The following ATAD3B variants were observed in gnomAD, a reference collection of about 807,000 sequenced individuals.
ATAD3B encodes the protein ATPase family AAA domain-containing protein 3B.
ATAD3B carries 59 observed loss-of-function variants against 70.2 expected under a neutral mutation model. That is an observed-to-expected ratio of 0.84 (90% CI 0.68 to 1.04). The LOEUF is 1.04. Ranked by LOEUF, ATAD3B falls within the 50% of genes least tolerant of loss-of-function variation. The pLI, the probability that ATAD3B is intolerant of heterozygous loss-of-function variation, is 0.00. For missense variants in ATAD3B, 961 were observed against 913.4 expected, an observed-to-expected ratio of 1.05 and a Z score of -0.67; for synonymous variants, 423 against 388.6, an observed-to-expected ratio of 1.09 and a Z score of -1.04.
At chr1:1,486,035 C>T in intron 9 of ATAD3B, 75 bp from the exon 10 acceptor site, 1 of 1,607,128 alleles carries the variant, frequency 6.2e-7, no homozygotes, top group Admixed American at 1.7e-5. Flanking sequence ...CGCACCCGGG[C>T]ATTCCCGCAG....
rs752447428 is a variant in ATAD3B, at chr1:1,478,584, C to T, written c.283-60C>T. On this transcript the variant is annotated intron_variant, in intron 2 of 15. Transcript: ENST00000673477. ...TGCCGGAGCTGTGCAGACACAGGAG[C>T]GGCTGTCAGGCAGTGCCAGCCCTGA... is the stretch of plus-strand genomic sequence containing the variant. 91 of 1,550,130 alleles carry T rather than the reference C, an allele frequency of 5.9e-5. No individual in the cohort carries two copies. The South Asian group carries it at 8.2e-4, about 14-fold the overall frequency.
At chr1:1,479,744 G>A (rs1236544551) in intron 4 of ATAD3B, among the ~76,000 whole-genome samples, 1 of 139,460 alleles carries the variant, frequency 7.2e-6, no homozygotes, top group Non-Finnish European at 1.5e-5. Flanking sequence ...ATCACACATA[G>A]GCATGCACAC....
the ATAD3B span, chr1:1,509,408 C>T: frequency 2.0e-4 from 326 of 1,598,264 alleles, 1 homozygote; most frequent in Non-Finnish European, 2.8e-4. Flanking sequence ...CCACCCCTGC[C>T]TTTGCGGCCC....
Position 1,495,980 on chromosome 1 carries a change from T to C in ATAD3B, c.*163T>C, listed in dbSNP as rs1163163969. On this transcript the variant is annotated 3_prime_UTR_variant, in exon 16 of 16. Coordinates refer to ENST00000673477, the MANE Select transcript of ATAD3B (RefSeq NM_031921.6). ...GGCTGAGCCCCTGGGGCAGAAGGAG[T>C]GGGGCAGGCGGGGTCTTTGTTCTCG... is the stretch of plus-strand genomic sequence containing the variant. 22 of 1,374,082 alleles carry C rather than the reference T, an allele frequency of 1.6e-5. 1 individual carries two copies. Among genetic ancestry groups the C allele is most frequent in the South Asian group, 1.9e-5 (1 of 52,692 alleles). The allele number at this position is 1,374,082 out of a possible 1,614,324, so 85.1% of individuals were successfully genotyped here.
At chr1:1,493,912 A>T (rs1640652767) in intron 15 of ATAD3B, among the ~76,000 whole-genome samples, 1 of 151,906 alleles carries the variant, frequency 6.6e-6, no homozygotes, top group African/African-American at 2.4e-5. Flanking sequence ...TGGCTTTAAT[A>T]TGAGGGTAAT....
chr1:1,486,272 G>T (rs185006588), intron 10 of ATAD3B, 37 bp downstream of exon 10: 1 of 1,611,784 alleles, frequency 6.2e-7, no homozygotes, highest in African/African-American at 1.3e-5. Context: ...GCCAGGGGCC[G>T]CTGGGGTCTC....
intron 15 of ATAD3B, among the ~76,000 whole-genome samples, chr1:1,492,765 C>T (rs1381624493): frequency 1.3e-5 from 2 of 151,658 alleles, no homozygotes; most frequent in African/African-American, 4.8e-5. Flanking sequence ...TGGTGAAACC[C>T]CATCTCTACT....
At chr1:1,489,880 C>A in intron 13 of ATAD3B, 3 of 1,218,672 alleles carry the variant, frequency 2.5e-6, no homozygotes, top group Non-Finnish European at 3.1e-6. Context: ...CGAGGTCCTG[C>A]TTCTGGCTCG....
At position 1,482,160 on chromosome 1, in the gene ATAD3B, G is replaced by C; in HGVS notation, c.537G>C (p.Glu179Asp). The C allele has an allele frequency of 6.2e-7, 1 of 1,610,012 alleles. No homozygotes were observed. Among genetic ancestry groups the C allele is most frequent in the Non-Finnish European group, 8.5e-7 (1 of 1,179,006 alleles). ...CAGCCACCGTGGAGCGGGAGATGGAGCTGCGGCACAAGAATGAGATGCTGC... is the reference window on the plus strand; with the variant it reads ...CAGCCACCGTGGAGCGGGAGATGGACCTGCGGCACAAGAATGAGATGCTGC... ...MRRATVEREMELRHKNEMLRV... is the reference protein window; with the variant it reads ...MRRATVEREMDLRHKNEMLRV... Residue 179 changes from glutamate to aspartate, a missense_variant, in exon 6 of 16, where the codon GAG (glutamate) becomes GAC (aspartate). Glu to Asp is a conservative substitution (Grantham distance 45). Transcript: ENST00000673477.
rs767355766 is a variant in ATAD3B at position 1,495,536 on chromosome 1, G to C, written c.1666G>C (p.Ala556Pro). The C allele has an allele frequency of 6.2e-7, 1 of 1,612,434 alleles. No individual in the cohort carries two copies. Among genetic ancestry groups the C allele is most frequent in the Non-Finnish European group, 8.5e-7 (1 of 1,178,934 alleles). ...DGVLTEAMMD[A>P]CVQDAVQQYR... ...GGTCCTCACTGAGGCCATGATGGACGCCTGTGTGCAAGATGCTGTCCAGCA... is the reference window on the plus strand; with the variant it reads ...GGTCCTCACTGAGGCCATGATGGACCCCTGTGTGCAAGATGCTGTCCAGCA... The change falls in exon 16 of 16, where the codon GCC becomes CCC. Residue 556 changes from alanine (A) to proline (P), a missense_variant. Coordinates refer to ENST00000673477, the MANE Select transcript of ATAD3B (RefSeq NM_031921.6).
At chr1:1,482,468 C>G in intron 6 of ATAD3B, 77 bp from the exon 7 acceptor site, 2 of 1,610,254 alleles carry the variant, frequency 1.2e-6, no homozygotes, top group Non-Finnish European at 1.7e-6. Flanking sequence ...CATGTCAGGG[C>G]CTCACCCTCA....
the ATAD3B span, among the ~76,000 whole-genome samples, chr1:1,505,057 GAC>G: frequency 1.8e-4 from 27 of 152,164 alleles, no homozygotes; most frequent in Non-Finnish European, 3.8e-4. Flanking sequence ...AGAGATAAAA[GAC>G]AGCTGGGCCC....
At chr1:1,475,198 A>G (rs1284101220) in intron 1 of ATAD3B, among the ~76,000 whole-genome samples, 3 of 149,808 alleles carry the variant, frequency 2.0e-5, no homozygotes, top group Non-Finnish European at 2.9e-5. Flanking sequence ...GGCCCGGGGC[A>G]GGGTCTCCAG....
chr1:1,503,730 C>G, the ATAD3B span: 1 of 1,588,376 alleles, frequency 6.3e-7, no homozygotes, highest in Non-Finnish European at 8.6e-7. Context: ...ATTGGTAGGG[C>G]TACTGCCGGT....
intron 15 of ATAD3B, 64 bp downstream of exon 15, chr1:1,490,735 C>G: frequency 6.5e-7 from 1 of 1,532,838 alleles, no homozygotes; most frequent in Non-Finnish European, 8.8e-7. Flanking sequence ...TGCTCAGTTG[C>G]GCCAGGCCTG....
the ATAD3B span, among the ~76,000 whole-genome samples, chr1:1,508,230 G>A: frequency 6.6e-6 from 1 of 151,314 alleles, no homozygotes; most frequent in South Asian, 2.1e-4. Flanking sequence ...GCGCTCCTGG[G>A]CCCCTGACCC....
At chr1:1,505,157 G>A in the ATAD3B span, among the ~76,000 whole-genome samples, 2 of 152,162 alleles carry the variant, frequency 1.3e-5, no homozygotes, top group African/African-American at 4.8e-5. Context: ...AGACAAAGGG[G>A]CAGGATAAGG....
chr1:1,502,512 T>C (rs1264507575), downstream of ATAD3B, among the ~76,000 whole-genome samples: 2 of 118,442 alleles, frequency 1.7e-5, no homozygotes, highest in African/African-American at 3.5e-5. Context: ...CCAGCATTTT[T>C]TTTTTTTTTT....
At position 1,480,891 on chromosome 1, in the gene ATAD3B, C is replaced by G. The variant is rs748088146; in HGVS notation, c.469C>G (p.Arg157Gly). 6.3e-7 allele frequency: 1 copy of G among 1,593,656 alleles called. No individual in the cohort carries two copies. The highest frequency in any genetic ancestry group is 1.1e-5 in the South Asian group (1 of 89,626). The change falls in exon 5 of 16, where the codon CGG (arginine) becomes GGG (glycine). Residue 157 changes from arginine (R) to glycine (G), a missense_variant. Transcript: ENST00000673477. ...QQQLLNEENLRKQEESVQKQE... is the reference protein window; with the variant it reads ...QQQLLNEENLGKQEESVQKQE... ...GCAACTTCTCAATGAGGAGAATTTA[C>G]GGAAGCAGGAGGAGTCCGTGCAGAA...
Sources: gnomAD v4.1 joint callset for allele counts (sites outside exome capture counted in the v4.1 genomes callset) on GRCh38, gnomAD v4.1.1 for gene constraint, MANE v1.5 for transcripts, NCBI Gene and HGNC (gene_info 2026-07-23, HGNC 2026-07-21) for gene names.